Variants in HELLS observed in about 807,000 individuals in gnomAD.
The protein encoded by HELLS is lymphoid-specific helicase.
Under a neutral mutation model 120.0 loss-of-function variants are expected in HELLS, and 32 were observed. The observed-to-expected ratio is 0.27, with a 90% CI of 0.20 to 0.36. The LOEUF (loss-of-function observed/expected upper bound fraction) is 0.36. Among genes scored for constraint, HELLS ranks in the 10% least tolerant of loss-of-function variants. The pLI is 1.00. For missense variants in HELLS, 650 were observed against 993.4 expected (o/e 0.65, Z 4.65); for synonymous variants, 341 against 323.4 (o/e 1.05, Z -0.58).
exon 10 of HELLS, chr10:94,612,905 CAGTG>C (rs992745182): frequency 2.0e-5 from 3 of 152,158 alleles, no homozygotes; most frequent in Admixed American, 6.5e-5. Context: ...GCCTGGGTGA[CAGTG>C]AGACTGTCTC....
chr10:94,572,751 TC>T (rs1282351698), intron 7 of HELLS, among the ~76,000 whole-genome samples: 3 of 151,974 alleles, frequency 2.0e-5, no homozygotes, highest in African/African-American at 2.4e-5. Context: ...GTACAGATTT[TC>T]CCCCCCAAAG....
downstream of HELLS, among the ~76,000 whole-genome samples, chr10:94,607,078 A>G (rs1343582252): frequency 6.6e-6 from 1 of 152,222 alleles, no homozygotes; most frequent in Non-Finnish European, 1.5e-5. Context: ...TTTCAGTAAA[A>G]TACTCTACCC....
intron 10 of HELLS, among the ~76,000 whole-genome samples, chr10:94,580,718 T>G (rs1463030988): frequency 6.6e-6 from 1 of 152,178 alleles, no homozygotes; most frequent in African/African-American, 2.4e-5. Flanking sequence ...GATAGTTATA[T>G]TTTTCAGATT....
Position 94,574,064 on chromosome 10 carries a change from T to C in HELLS, c.582T>C (p.Asn194=). ...KDRLSETVRQ[N]TKFFFDPVRK... ...GATTGTCTGAAACGGTTAGGCAGAA[T>C]ACTAAATTCTTTTTTGACCCAGTCC... Residue 194 remains asparagine (N), a synonymous_variant, in exon 8 of 22, where the codon AAT becomes AAC. Coordinates refer to ENST00000348459, the MANE Select transcript of HELLS (RefSeq NM_018063.5). 6.2e-7 allele frequency: 1 copy of C among 1,612,914 alleles called. No individual in the cohort carries two copies. Among genetic ancestry groups the C allele is most frequent in the Non-Finnish European group, 8.5e-7 (1 of 1,178,912 alleles).
At chr10:94,584,097 A>G (rs965392002) in intron 12 of HELLS, 20 of 1,394,968 alleles carry the variant, frequency 1.4e-5, no homozygotes, top group Middle Eastern at 2.0e-4. Flanking sequence ...GAAAATACTT[A>G]TTTACTCAAG....
At chr10:94,555,664 C>A (rs1843223207) in intron 3 of HELLS, among the ~76,000 whole-genome samples, 1 of 152,120 alleles carries the variant, frequency 6.6e-6, no homozygotes, top group Non-Finnish European at 1.5e-5. Flanking sequence ...GAGTCTTACT[C>A]TGTTGCCCAG....
At chr10:94,566,865 G>A (rs1843825170) in intron 6 of HELLS, among the ~76,000 whole-genome samples, 1 of 151,984 alleles carries the variant, frequency 6.6e-6, no homozygotes, top group African/African-American at 2.4e-5. Flanking sequence ...ATCTTGGCCA[G>A]GCTGGTCTCA....
intron 11 of HELLS, among the ~76,000 whole-genome samples, chr10:94,581,766 A>G (rs1844880296): frequency 6.6e-6 from 1 of 152,230 alleles, no homozygotes; most frequent in African/African-American, 2.4e-5. Context: ...TTTTATAATA[A>G]GGTTCTTTTA....
chr10:94,566,436 A>T (rs1843801412), intron 6 of HELLS, among the ~76,000 whole-genome samples: 6 of 152,160 alleles, frequency 3.9e-5, no homozygotes. Context: ...AAAAACTTGA[A>T]GTAAATTATA....
rs199878580 is a variant in HELLS at position 94,554,644 on chromosome 10, G to GTTTTTTT, written c.276+401_276+407dup. On this transcript the variant is annotated intron_variant, in intron 3 of 21. Transcript: ENST00000348459. ...TCCTTGGAATCTTCAAAGTAATAGT[G>GTTTTTTT]TTTTTTTTTTTGTTTTTTTTTTTTT... 1.7e-4 allele frequency among the ~76,000 whole-genome samples: 18 copies of GTTTTTTT among 103,102 alleles called. 1 individual carries two copies. The highest frequency in any genetic ancestry group is 2.7e-4 in the African/African-American group (7 of 25,954). 67.6% of individuals were successfully genotyped at this position (103,102 alleles called of 152,430 possible). A position where few individuals can be genotyped will look rare whatever the true frequency, so the allele number is the denominator to read the frequency against.
At chr10:94,597,800 TG>T (rs1336517275) in intron 21 of HELLS, among the ~76,000 whole-genome samples, 1 of 152,184 alleles carries the variant, frequency 6.6e-6, no homozygotes, top group Non-Finnish European at 1.5e-5. Flanking sequence ...CCCAAAGCAC[TG>T]GGATTACAGG....
chr10:94,566,027 G>A (rs1843779962), intron 6 of HELLS, among the ~76,000 whole-genome samples: 1 of 152,004 alleles, frequency 6.6e-6, no homozygotes, highest in East Asian at 1.9e-4. Context: ...CCAGTAGCAG[G>A]GACTACATGC....
exon 10 of HELLS, chr10:94,613,901 G>A (rs1038623701): frequency 6.6e-6 from 1 of 152,084 alleles, no homozygotes; most frequent in African/African-American, 2.4e-5. Context: ...GTAGCTATGT[G>A]CTTATGTTTT....
chr10:94,593,555 T>G lies in HELLS; in HGVS notation c.2028T>G (p.Ala676=), dbSNP rs1366706114. 1.2e-6 allele frequency: 2 copies of G among 1,613,990 alleles called. No individual in the cohort carries two copies. The highest frequency in any genetic ancestry group is 1.7e-6 in the Non-Finnish European group (2 of 1,179,826). The change falls in exon 18 of 22, where the codon GCT becomes GCG. Residue 676 remains alanine (A), a synonymous_variant. Coordinates refer to ENST00000348459, the MANE Select transcript of HELLS (RefSeq NM_018063.5). ...TTATCTTCTTAGTGAGTACACGAGC[T>G]GGTGGCCTGGGCATTAATCTGACTG... ...EVFIFLVSTR[A]GGLGINLTAA... is the part of the protein sequence containing the mutation.
intron 4 of HELLS, among the ~76,000 whole-genome samples, chr10:94,561,678 G>C (rs1564583542): frequency 6.6e-6 from 1 of 152,014 alleles, no homozygotes; most frequent in Non-Finnish European, 1.5e-5. Flanking sequence ...TGTTGCCCAA[G>C]CTGGTCTTGT....
At position 94,567,513 on chromosome 10, in the gene HELLS, G is replaced by A. The variant is rs34550772; in HGVS notation, c.436-3875G>A. On this transcript the variant is annotated intron_variant, in intron 6 of 21. Coordinates refer to ENST00000348459, the MANE Select transcript of HELLS (RefSeq NM_018063.5). ...GGGTTTCTCCATGTTGGTCAGGCTG[G>A]TCTCGAACTCCCGATCTCAGGTGAT... is the stretch of plus-strand genomic sequence containing the variant. 8.1e-3 allele frequency among the ~76,000 whole-genome samples: 1,234 copies of A among 152,220 alleles called. 5 individuals are homozygous for A. The highest frequency in any genetic ancestry group is 0.013 in the South Asian group (65 of 4,818).
chr10:94,601,167 C>T (rs116781642), intron 21 of HELLS, among the ~76,000 whole-genome samples: 2 of 152,198 alleles, frequency 1.3e-5, no homozygotes, highest in East Asian at 1.9e-4. Context: ...TTAAACGAAT[C>T]GTGATTGGGC....
intron 2 of HELLS, chr10:94,551,001 G>T (rs1565012704): frequency 6.6e-6 from 1 of 152,152 alleles, no homozygotes; most frequent in Non-Finnish European, 1.5e-5. Flanking sequence ...AAAAATTTAA[G>T]AATCCATATA....
At chr10:94,598,915 A>G (rs1449296080) in intron 21 of HELLS, among the ~76,000 whole-genome samples, 3 of 152,180 alleles carry the variant, frequency 2.0e-5, no homozygotes, top group Middle Eastern at 3.2e-3. Context: ...TGTTAAAAAG[A>G]TGATCCTTTT....
Sources: allele counts gnomAD v4.1 joint callset (sites outside exome capture counted in the v4.1 genomes callset), GRCh38; gene constraint gnomAD v4.1.1; transcripts MANE v1.5; gene names NCBI Gene and HGNC (gene_info 2026-07-23, HGNC 2026-07-21).